Variants in PRKAG2 observed in about 807,000 individuals in gnomAD.
The protein encoded by PRKAG2 is 5'-AMP-activated protein kinase subunit gamma-2.
PRKAG2 carries 26 observed loss-of-function variants against 69.6 expected under a neutral mutation model. That is an observed-to-expected ratio of 0.37 (90% CI 0.27 to 0.52). The LOEUF is 0.52. Among genes scored for constraint, PRKAG2 ranks in the 20% least tolerant of loss-of-function variants. The pLI, the probability that PRKAG2 is intolerant of heterozygous loss-of-function variation, is 0.90. For missense variants in PRKAG2, 557 were observed against 740.0 expected (o/e 0.75, Z 2.87); for synonymous variants, 293 against 285.0 (o/e 1.03, Z -0.28).
chr7:151,561,624 T>C (rs1334568443), intron 14 of PRKAG2, among the ~76,000 whole-genome samples: 1 of 152,192 alleles, frequency 6.6e-6, no homozygotes, highest in Admixed American at 6.5e-5. Flanking sequence ...GGGAGCGGCG[T>C]TGCTATTCTC....
intron 4 of PRKAG2, among the ~76,000 whole-genome samples, chr7:151,663,514 C>T (rs1393912801): frequency 1.3e-5 from 2 of 152,272 alleles, no homozygotes; most frequent in South Asian, 2.1e-4. Context: ...AGGCGTGCAC[C>T]ACCAGCCCAG....
intron 5 of PRKAG2, among the ~76,000 whole-genome samples, chr7:151,608,151 G>A (rs935632200): frequency 1.3e-5 from 2 of 152,184 alleles, no homozygotes; most frequent in Non-Finnish European, 2.9e-5. Flanking sequence ...TGAGGGCAGC[G>A]TGGGGCGGAT....
At chr7:151,749,505 CAAT>C (rs1387731994) in intron 3 of PRKAG2, among the ~76,000 whole-genome samples, 1 of 151,852 alleles carries the variant, frequency 6.6e-6, no homozygotes, top group East Asian at 1.9e-4. Flanking sequence ...CATCAGAGGA[CAAT>C]AATAAGAGAG....
rs932303063 is a variant in PRKAG2 at position 151,809,071 on chromosome 7, G to A, written c.115-22530C>T. ...CGTCTCAGGGCTCTACGCCTTGCAC[G>A]GATGAGTATGGGGTGACTCAGAGGG... On this transcript the variant is annotated intron_variant, in intron 1 of 15. Coordinates refer to ENST00000287878, the MANE Select transcript of PRKAG2 (RefSeq NM_016203.4). 5.9e-5 allele frequency among the ~76,000 whole-genome samples: 9 copies of A among 152,198 alleles called. No individual in the cohort carries two copies. In the South Asian group the frequency reaches 6.2e-4, roughly 10 times the overall value.
chr7:151,634,364 A>T (rs1022884310), intron 4 of PRKAG2, among the ~76,000 whole-genome samples: 1 of 152,144 alleles, frequency 6.6e-6, no homozygotes, highest in Non-Finnish European at 1.5e-5. Context: ...AAACTATGAA[A>T]CTTTTTGGAG....
intron 3 of PRKAG2, among the ~76,000 whole-genome samples, chr7:151,715,438 CCAATTCTCCTGTCTCAG>C (rs1277865712): frequency 4.0e-5 from 6 of 151,584 alleles, no homozygotes; most frequent in South Asian, 4.2e-4. Flanking sequence ...ACCTCCACTT[CCAATTCTCCTGTCTCAG>C]CAATTCTCCT....
At position 151,859,205 on chromosome 7, in the gene PRKAG2, C is replaced by T. The variant is rs73728431; in HGVS notation, c.114+17302G>A. Among the ~76,000 whole-genome samples the T allele has an allele frequency of 3.0e-3, 455 of 152,324 alleles. 2 individuals are homozygous for T. The highest frequency in any genetic ancestry group is 0.01 in the African/African-American group (435 of 41,574). ...CCTGTGATGCCCAGGGAATGGGCTTCGAGGGTGCTGCACAGCTGTGGCACC... is the reference window on the plus strand; with the variant it reads ...CCTGTGATGCCCAGGGAATGGGCTTTGAGGGTGCTGCACAGCTGTGGCACC... On this transcript the variant is annotated intron_variant, in intron 1 of 15. Coordinates refer to ENST00000287878, the MANE Select transcript of PRKAG2 (RefSeq NM_016203.4).
intron 3 of PRKAG2, among the ~76,000 whole-genome samples, chr7:151,727,029 A>G (rs527972295): frequency 7.9e-5 from 12 of 152,232 alleles, no homozygotes; most frequent in Non-Finnish European, 1.8e-4. Flanking sequence ...CAGTCTGACC[A>G]ACATAGTGAA....
intron 3 of PRKAG2, among the ~76,000 whole-genome samples, chr7:151,730,975 C>T (rs568463955): frequency 2.0e-5 from 3 of 152,298 alleles, no homozygotes; most frequent in South Asian, 2.1e-4. Context: ...GGATGAAACA[C>T]CAGCTTCCTG....
chr7:151,603,864 T>C (rs554354523), intron 5 of PRKAG2, among the ~76,000 whole-genome samples: 12 of 152,308 alleles, frequency 7.9e-5, no homozygotes, highest in African/African-American at 2.9e-4. Flanking sequence ...TACCTCCTTG[T>C]TTAAAATAAT....
At chr7:151,862,821 T>G (rs1343677497) in intron 1 of PRKAG2, among the ~76,000 whole-genome samples, 1 of 151,478 alleles carries the variant, frequency 6.6e-6, no homozygotes, top group Non-Finnish European at 1.5e-5. Flanking sequence ...GGAGCACTGT[T>G]AGGTCCCTGA....
At chr7:151,727,950 C>T (rs9640176) in intron 3 of PRKAG2, among the ~76,000 whole-genome samples, 2 of 152,154 alleles carry the variant, frequency 1.3e-5, no homozygotes, top group Admixed American at 6.5e-5. Flanking sequence ...CAGTCATGCT[C>T]TTAGCCTCAG....
At chr7:151,808,987 C>G (rs1468540926) in intron 1 of PRKAG2, among the ~76,000 whole-genome samples, 1 of 152,170 alleles carries the variant, frequency 6.6e-6, no homozygotes, top group Non-Finnish European at 1.5e-5. Context: ...CCCCACTCCA[C>G]GGCCACCCTT....
In PRKAG2 at chr7:151,564,364, T is replaced by C. The variant is rs17642575; in HGVS notation, c.1438-140A>G. ...TAGTACCTGCATACATCAGACGTTC[T>C]TTCTGGCTTACGACATGCCATTGCT... On this transcript the variant is annotated intron_variant, in intron 13 of 15. Coordinates refer to ENST00000287878, the MANE Select transcript of PRKAG2 (RefSeq NM_016203.4). 0.13 allele frequency: 110,551 copies of C among 849,298 alleles called. 8,234 individuals are homozygous for C. The highest frequency in any genetic ancestry group is 0.19 in the African/African-American group (11,134 of 59,428). 52.6% of individuals were successfully genotyped at this position (849,298 alleles called of 1,614,324 possible). A position where few individuals can be genotyped will look rare whatever the true frequency, so the allele number is the denominator to read the frequency against.
chr7:151,681,416 T>C (rs1833870430), intron 3 of PRKAG2, among the ~76,000 whole-genome samples: 1 of 152,080 alleles, frequency 6.6e-6, no homozygotes, highest in South Asian at 2.1e-4. Context: ...GGGAAACTTT[T>C]AGAGGAAGGG....
At chr7:151,801,952 G>T (rs1380200321) in intron 1 of PRKAG2, among the ~76,000 whole-genome samples, 1 of 152,204 alleles carries the variant, frequency 6.6e-6, no homozygotes, top group East Asian at 1.9e-4. Flanking sequence ...GCAGGGCCTG[G>T]TCACTGAGGT....
chr7:151,850,299 G>T lies in PRKAG2; in HGVS notation c.114+26208C>A, dbSNP rs1436140943. Among the ~76,000 whole-genome samples the T allele has an allele frequency of 1.3e-5, 2 of 152,232 alleles. No individual in the cohort carries two copies. Among genetic ancestry groups the T allele is most frequent in the Admixed American group, 1.3e-4 (2 of 15,282 alleles). On this transcript the variant is annotated intron_variant, in intron 1 of 15. Transcript: ENST00000287878. The surrounding 1 kb of genome is among the most constrained non-coding windows in gnomAD (Gnocchi z 4.1). ...TAGAACGCTTCTTGAGTGTTTAATG[G>T]AAAGACGCCTGTCCAGAAGGTTTCT...
At chr7:151,600,947 G>T (rs1376766574) in intron 5 of PRKAG2, among the ~76,000 whole-genome samples, 1 of 152,200 alleles carries the variant, frequency 6.6e-6, no homozygotes, top group Admixed American at 6.5e-5. Flanking sequence ...AGGAAACCGA[G>T]GCTAGGAGAA....
chr7:151,676,453 G>A (rs1017028018), intron 3 of PRKAG2, among the ~76,000 whole-genome samples: 5 of 152,074 alleles, frequency 3.3e-5, no homozygotes, highest in Non-Finnish European at 5.9e-5. Context: ...GAAAAGGGAG[G>A]GGGCAAATAA....
Sources: allele counts gnomAD v4.1 joint callset (sites outside exome capture counted in the v4.1 genomes callset), GRCh38; gene constraint gnomAD v4.1.1; non-coding constraint Gnocchi (gnomAD v3.1); transcripts MANE v1.5; gene names NCBI Gene and HGNC (gene_info 2026-07-23, HGNC 2026-07-21).